Variants in PREX1 observed in about 807,000 individuals in gnomAD.
The protein encoded by PREX1 is phosphatidylinositol-3,4,5-trisphosphate dependent Rac exchange factor 1, also known as phosphatidylinositol 3,4,5-trisphosphate-dependent Rac exchanger 1 protein.
Under a neutral mutation model 198.3 loss-of-function variants are expected in PREX1, and 41 were observed. The observed-to-expected ratio is 0.21, with a 90% CI of 0.16 to 0.27. The LOEUF is 0.27. PREX1 is among the 10% of genes least tolerant of loss of function. The pLI, the probability that PREX1 is intolerant of heterozygous loss-of-function variation, is 1.00. For missense variants in PREX1, 1,620 were observed against 2,200.7 expected, an observed-to-expected ratio of 0.74 and a Z score of 5.28; for synonymous variants, 843 against 887.2, an observed-to-expected ratio of 0.95 and a Z score of 0.89.
At chr20:48,653,641 G>A in intron 19 of PREX1, 144 bp from the exon 20 acceptor site, 2 of 999,212 alleles carry the variant, frequency 2.0e-6, no homozygotes, top group Non-Finnish European at 2.9e-6. Flanking sequence ...GCCGCCCTCT[G>A]ACACTCCAGT....
chr20:48,796,517 C>A (rs995936332), intron 1 of PREX1, among the ~76,000 whole-genome samples: 1 of 152,026 alleles, frequency 6.6e-6, no homozygotes, highest in African/African-American at 2.4e-5. Flanking sequence ...CCAGTGGCTG[C>A]CTCTGGGGAG....
the PREX1 span, among the ~76,000 whole-genome samples, chr20:48,833,082 A>T: frequency 6.6e-6 from 1 of 152,342 alleles, no homozygotes; most frequent in East Asian, 1.9e-4. Context: ...TTCAATATCC[A>T]TATCTGTAAA....
intron 15 of PREX1, among the ~76,000 whole-genome samples, chr20:48,665,541 T>C (rs67695237): frequency 0.18 from 26,617 of 152,060 alleles, 2,454 homozygotes; most frequent in Middle Eastern, 0.3. Context: ...CTAATCCCGA[T>C]TTCTACTTGC....
intron 6 of PREX1, among the ~76,000 whole-genome samples, chr20:48,706,393 T>C (rs142859989): frequency 6.6e-6 from 1 of 152,220 alleles, no homozygotes; most frequent in African/African-American, 2.4e-5. Flanking sequence ...TCTTTTCACC[T>C]TGGCTTCCAG....
chr20:48,780,229 G>A (rs1314179824), intron 1 of PREX1, among the ~76,000 whole-genome samples: 2 of 152,166 alleles, frequency 1.3e-5, no homozygotes, highest in South Asian at 2.1e-4. Flanking sequence ...AAAAGAGCTA[G>A]GGGTCCTTAA....
chr20:48,628,133 C>T (rs897187357), intron 37 of PREX1, among the ~76,000 whole-genome samples, 170 bp from the exon 38 acceptor site: 5 of 152,126 alleles, frequency 3.3e-5, no homozygotes, highest in Admixed American at 6.5e-5. Flanking sequence ...GCCGTCCCTC[C>T]CCGCTTGCTC....
chr20:48,717,215 T>C (rs2089966022), intron 5 of PREX1, among the ~76,000 whole-genome samples: 1 of 151,744 alleles, frequency 6.6e-6, no homozygotes, highest in African/African-American at 2.4e-5. Flanking sequence ...CATATTGTCC[T>C]CTCCACAAAG....
chr20:48,720,805 C>A (rs1482151306), intron 5 of PREX1, among the ~76,000 whole-genome samples: 1 of 152,020 alleles, frequency 6.6e-6, no homozygotes, highest in African/African-American at 2.4e-5. Flanking sequence ...CCACTTTCCT[C>A]CCAGCCAAGT....
intron 15 of PREX1, among the ~76,000 whole-genome samples, chr20:48,661,444 A>AAAAAAAATAT (rs1555832820): frequency 4.0e-5 from 2 of 49,598 alleles, no homozygotes; most frequent in Non-Finnish European, 6.2e-5. Flanking sequence ...AAAAAAAAAA[A>AAAAAAAATAT]ATATATATAT....
intron 7 of PREX1, among the ~76,000 whole-genome samples, chr20:48,696,003 G>A (rs1175739422): frequency 6.6e-6 from 1 of 152,214 alleles, no homozygotes; most frequent in East Asian, 1.9e-4. Context: ...TATTCTGGAT[G>A]TGAATACTCT....
chr20:48,775,063 AC>A (rs1425592177), intron 1 of PREX1, among the ~76,000 whole-genome samples: 2 of 152,132 alleles, frequency 1.3e-5, no homozygotes, highest in Admixed American at 6.5e-5. Flanking sequence ...CCTTGCTCAC[AC>A]GGTTTCCACC....
intron 15 of PREX1, among the ~76,000 whole-genome samples, chr20:48,661,444 A>AAAAAAAAAAATATATATATAT (rs1555832820): frequency 2.0e-5 from 1 of 49,598 alleles, no homozygotes; most frequent in Non-Finnish European, 3.1e-5. Flanking sequence ...AAAAAAAAAA[A>AAAAAAAAAAATATATATATAT]ATATATATAT....
chr20:48,793,077 C>T (rs1231689832), intron 1 of PREX1, among the ~76,000 whole-genome samples: 1 of 151,978 alleles, frequency 6.6e-6, no homozygotes, highest in Non-Finnish European at 1.5e-5. Context: ...TGGTGGTATG[C>T]GCCTGTAGTT....
Position 48,666,068 on chromosome 20 carries a change from T to C in PREX1, c.1738+215A>G, listed in dbSNP as rs1307212846. On this transcript the variant is annotated intron_variant, in intron 15 of 39. Transcript: ENST00000371941. The surrounding 1 kb of genome is among the most constrained non-coding windows in gnomAD (Gnocchi z 4.3). ...TGGGTTGGACTTCAAATCTAGCCCA[T>C]GTCCTTCCAGCCATTTTGGTCCCCA... Among the ~76,000 whole-genome samples, 1 of 152,166 alleles carries C rather than the reference T, an allele frequency of 6.6e-6. No individual in the cohort carries two copies. Among genetic ancestry groups the C allele is most frequent in the African/African-American group, 2.4e-5 (1 of 41,426 alleles).
chr20:48,688,086 A>T (rs1275063452), intron 10 of PREX1, among the ~76,000 whole-genome samples: 1 of 151,946 alleles, frequency 6.6e-6, no homozygotes, highest in East Asian at 1.9e-4. Flanking sequence ...TGGCAGCCCC[A>T]GCCAAAAAAA....
At chr20:48,723,085 G>A (rs980881683) in intron 5 of PREX1, among the ~76,000 whole-genome samples, 4 of 152,244 alleles carry the variant, frequency 2.6e-5, no homozygotes, top group African/African-American at 7.2e-5. Context: ...GAGATAGAAT[G>A]TTCCAGCTAT....
At chr20:48,806,554 C>T (rs1458034729) in intron 1 of PREX1, among the ~76,000 whole-genome samples, 2 of 152,160 alleles carry the variant, frequency 1.3e-5, no homozygotes, top group Admixed American at 6.5e-5. Flanking sequence ...TTCAGAGGTA[C>T]AATGATCCTA....
Position 48,654,786 on chromosome 20 carries a change from T to C in PREX1, c.2209+504A>G, listed in dbSNP as rs569612937. On this transcript the variant is annotated intron_variant, in intron 19 of 39. Transcript: ENST00000371941. ...AAAAAAGTTTGGGGGCCCAGTATCA[T>C]AGACCTACTTGGTTCCATCTCCAAG... Among the ~76,000 whole-genome samples the C allele has an allele frequency of 5.9e-5, 9 of 152,360 alleles. No homozygotes were observed. The East Asian group carries it at 1.5e-3, about 26-fold the overall frequency.
At chr20:48,675,239 G>T (rs1308938549) in intron 14 of PREX1, among the ~76,000 whole-genome samples, 1 of 152,198 alleles carries the variant, frequency 6.6e-6, no homozygotes, top group Non-Finnish European at 1.5e-5. Flanking sequence ...TTCCCCATGA[G>T]AGGACACAGC....
Sources: allele counts gnomAD v4.1 joint callset (sites outside exome capture counted in the v4.1 genomes callset), GRCh38; gene constraint gnomAD v4.1.1; non-coding constraint Gnocchi (gnomAD v3.1); transcripts MANE v1.5; gene names NCBI Gene and HGNC (gene_info 2026-07-23, HGNC 2026-07-21).